Variants in OSBPL8 observed in about 807,000 individuals in gnomAD.
OSBPL8 encodes oxysterol-binding protein-related protein 8.
A neutral mutation model predicts 125.5 loss-of-function variants in OSBPL8; 59 were observed. That is an observed-to-expected ratio of 0.47 (90% confidence interval 0.38 to 0.58). The LOEUF is 0.58. OSBPL8 is among the 20% of genes least tolerant of loss of function. The pLI is 0.00. For synonymous variants in OSBPL8, 330 were observed against 338.9 expected (o/e 0.97, Z 0.29); for missense variants, 758 against 1,047.8 (o/e 0.72, Z 3.82).
chr12:76,493,275 A>G (rs1825732524), intron 1 of OSBPL8, among the ~76,000 whole-genome samples: 1 of 152,254 alleles, frequency 6.6e-6, no homozygotes, highest in African/African-American at 2.4e-5. Context: ...TTCACAGACC[A>G]AGAAGAGCTC....
chr12:76,534,688 A>G (rs960442130), intron 1 of OSBPL8, among the ~76,000 whole-genome samples: 4 of 152,210 alleles, frequency 2.6e-5, no homozygotes, highest in African/African-American at 7.2e-5. Context: ...AATGAGGTCA[A>G]GAGAGTAAAC....
At chr12:76,476,397 TAAAC>T (rs1245422249) in intron 2 of OSBPL8, among the ~76,000 whole-genome samples, 2 of 152,048 alleles carry the variant, frequency 1.3e-5, no homozygotes, top group South Asian at 2.1e-4. Context: ...AAGAACTTAA[TAAAC>T]ATGTTTAAAA....
At chr12:76,512,422 C>T (rs1881094582) in intron 1 of OSBPL8, among the ~76,000 whole-genome samples, 1 of 152,196 alleles carries the variant, frequency 6.6e-6, no homozygotes, top group Non-Finnish European at 1.5e-5. Flanking sequence ...AACAGCCCAG[C>T]ACAATTTATT....
chr12:76,427,231 A>G (rs1331234078), intron 4 of OSBPL8, among the ~76,000 whole-genome samples: 1 of 152,114 alleles, frequency 6.6e-6, no homozygotes, highest in Non-Finnish European at 1.5e-5. Context: ...TGGAAACAAC[A>G]TTATATGATA....
chr12:76,464,046 C>T (rs1177231973), intron 2 of OSBPL8, among the ~76,000 whole-genome samples: 2 of 152,190 alleles, frequency 1.3e-5, no homozygotes, highest in Non-Finnish European at 2.9e-5. Flanking sequence ...GCTAGGCGTT[C>T]TTCTTGGTTT....
In OSBPL8 at chr12:76,365,344, T is replaced by C. The variant is rs558716470; in HGVS notation, c.2328+3870A>G. Among the ~76,000 whole-genome samples the C allele has an allele frequency of 2.0e-5, 3 of 152,362 alleles. No individual in the cohort carries two copies. The East Asian group carries it at 5.8e-4, about 29-fold the overall frequency. ...TTTAGCAATGTTTTATAGTTTTCAC[T>C]GTAGAAGTCTTCCAGCTTCTTGGTT... On this transcript the variant is annotated intron_variant, in intron 21 of 23. Coordinates refer to ENST00000261183, the MANE Select transcript of OSBPL8 (RefSeq NM_020841.5).
chr12:76,378,279 C>T (rs911010199), intron 16 of OSBPL8, among the ~76,000 whole-genome samples, 173 bp downstream of exon 16: 3 of 151,986 alleles, frequency 2.0e-5, no homozygotes, highest in Non-Finnish European at 2.9e-5. Context: ...ATTAATTCAC[C>T]GCAGAAATAT....
At chr12:76,358,560 T>C (rs1952078425) in intron 22 of OSBPL8, 146 bp downstream of exon 22, 4 of 644,754 alleles carry the variant, frequency 6.2e-6, no homozygotes, top group African/African-American at 1.8e-5. Context: ...TCACAACTTA[T>C]CTATGATCTA....
chr12:76,553,004 C>A (rs1014884995), intron 1 of OSBPL8, among the ~76,000 whole-genome samples: 2 of 152,144 alleles, frequency 1.3e-5, no homozygotes, highest in East Asian at 3.8e-4. Context: ...ATAATCATAA[C>A]AATGCACAAA....
At position 76,353,428 on chromosome 12, in the gene OSBPL8, T is replaced by C. The variant is rs1455333697; in HGVS notation, c.*2461A>G. ...TAATTATTACTCAATTAAATTTTCA[T>C]GTAGGAAAATAAAATCTTGGTAAAT... On this transcript the variant is annotated 3_prime_UTR_variant, in exon 24 of 24. Transcript: ENST00000261183. The C allele has an allele frequency of 5.3e-5, 8 of 151,726 alleles. No individual in the cohort carries two copies. Among genetic ancestry groups the C allele is most frequent in the Non-Finnish European group, 1.0e-4 (7 of 67,778 alleles). 9.4% of individuals were successfully genotyped at this position (151,726 alleles called of 1,614,324 possible). A position where few individuals can be genotyped will look rare whatever the true frequency, so the allele number is the denominator to read the frequency against.
intron 1 of OSBPL8, among the ~76,000 whole-genome samples, chr12:76,540,415 T>C (rs1269286160): frequency 2.0e-5 from 3 of 152,044 alleles, no homozygotes; most frequent in Non-Finnish European, 4.4e-5. Context: ...TTAAGATGTA[T>C]TGATTGGTAG....
chr12:76,536,325 A>T lies in OSBPL8; in HGVS notation c.-68+23072T>A, dbSNP rs564822808. On this transcript the variant is annotated intron_variant, in intron 1 of 23. Coordinates refer to ENST00000261183, the MANE Select transcript of OSBPL8 (RefSeq NM_020841.5). Reference sequence around the variant, plus strand: ...AACATGGTGAAACTAAAAATACCAAATACTAAATACTAAAATACTAAATAT... The same window carrying T: ...AACATGGTGAAACTAAAAATACCAATTACTAAATACTAAAATACTAAATAT... Among the ~76,000 whole-genome samples, 9 of 152,182 alleles carry T rather than the reference A, an allele frequency of 5.9e-5. No homozygotes were observed. The East Asian group carries it at 1.7e-3, about 29-fold the overall frequency.
chr12:76,496,666 A>T (rs991724381), intron 1 of OSBPL8, among the ~76,000 whole-genome samples: 9 of 151,878 alleles, frequency 5.9e-5, no homozygotes, highest in Admixed American at 5.9e-4. Flanking sequence ...TCAGCCTCCC[A>T]AGTAGCTGGG....
intron 6 of OSBPL8, among the ~76,000 whole-genome samples, chr12:76,400,921 T>G (rs1275088826): frequency 6.6e-6 from 1 of 151,662 alleles, no homozygotes; most frequent in African/African-American, 2.4e-5. Flanking sequence ...CCCAAGCAGC[T>G]AGGATTACAG....
intron 8 of OSBPL8, among the ~76,000 whole-genome samples, chr12:76,396,159 G>A (rs1040201157): frequency 5.9e-5 from 9 of 151,744 alleles, no homozygotes; most frequent in African/African-American, 7.3e-5. Flanking sequence ...TCAGAGGTTC[G>A]GGGGGTTAAA....
intron 1 of OSBPL8, among the ~76,000 whole-genome samples, chr12:76,520,062 T>C (rs1881923235): frequency 6.6e-6 from 1 of 152,110 alleles, no homozygotes; most frequent in Non-Finnish European, 1.5e-5. Context: ...CTATAAAATA[T>C]CTCAGAGACC....
intron 1 of OSBPL8, among the ~76,000 whole-genome samples, chr12:76,547,835 T>C (rs939744857): frequency 1.3e-5 from 2 of 152,120 alleles, no homozygotes; most frequent in African/African-American, 2.4e-5. Flanking sequence ...AATGGCAAGA[T>C]AATCATAACA....
chr12:76,548,121 C>T (rs1950831596), intron 1 of OSBPL8, among the ~76,000 whole-genome samples: 1 of 152,036 alleles, frequency 6.6e-6, no homozygotes, highest in African/African-American at 2.4e-5. Context: ...GCGCTAAATA[C>T]AAACTTTCCC....
At position 76,390,553 on chromosome 12, in the gene OSBPL8, T is replaced by G; in HGVS notation, c.1034A>C (p.Glu345Ala). The G allele has an allele frequency of 6.2e-7, 1 of 1,613,702 alleles. No individual in the cohort carries two copies. The highest frequency in any genetic ancestry group is 8.5e-7 in the Non-Finnish European group (1 of 1,179,726). The change falls in exon 11 of 24, where the codon GAG becomes GCG. Residue 345 changes from glutamate to alanine, a missense_variant. Transcript: ENST00000261183. ...NDQEHDESDN[E>A]VMGKSEESDT... ...ACTTTCTTCACTTTTCCCCATCACC[T>G]CATTATCAGACTCATCATGTTCTTG...
Sources: allele counts gnomAD v4.1 joint callset (sites outside exome capture counted in the v4.1 genomes callset), GRCh38; gene constraint gnomAD v4.1.1; transcripts MANE v1.5; gene names NCBI Gene and HGNC (gene_info 2026-07-23, HGNC 2026-07-21).